The following GLI2 variants were observed in gnomAD, a reference collection of about 807,000 sequenced individuals.
GLI2 encodes the protein transcription activator GLI2.
GLI2 carries 22 observed loss-of-function variants against 78.9 expected under a neutral mutation model. The observed-to-expected ratio is 0.28, with a 90% confidence interval of 0.20 to 0.40. The LOEUF (loss-of-function observed/expected upper bound fraction) is 0.40. GLI2 is among the 10% of genes least tolerant of loss of function. The pLI is 1.00. For missense variants in GLI2, 2,097 were observed against 2,213.2 expected, an observed-to-expected ratio of 0.95 and a Z score of 1.05; for synonymous variants, 974 against 963.7, an observed-to-expected ratio of 1.01 and a Z score of -0.20.
intron 3 of GLI2, among the ~76,000 whole-genome samples, chr2:120,936,038 G>A (rs1680180920): frequency 6.6e-6 from 1 of 152,150 alleles, no homozygotes; most frequent in Non-Finnish European, 1.5e-5. Context: ...GCAGGATCGG[G>A]ATGAACTATT....
intron 10 of GLI2, among the ~76,000 whole-genome samples, chr2:120,979,245 T>C (rs1682604604): frequency 6.6e-6 from 1 of 152,174 alleles, no homozygotes; most frequent in Admixed American, 6.5e-5. Context: ...CTGGGATTCG[T>C]CTTGAGCCAC....
rs954954063 is a variant in GLI2 at position 120,800,346 on chromosome 2, C to A, written c.148+2878C>A. Among the ~76,000 whole-genome samples the A allele has an allele frequency of 1.3e-5, 2 of 152,184 alleles. No individual in the cohort carries two copies. The highest frequency in any genetic ancestry group is 2.1e-4 in the South Asian group (1 of 4,820). On this transcript the variant is annotated intron_variant, in intron 2 of 13. Transcript: ENST00000361492. The surrounding 1 kb of genome is among the most constrained non-coding windows in gnomAD (Gnocchi z 4.1). ...GGGGCAGGAGCAGACTGAGTCGACT[C>A]CCCTGTTGCTGCGCAGGTGACCACT... is the stretch of plus-strand genomic sequence containing the variant.
chr2:120,751,116 A>G (rs1437798101), intron 1 of GLI2, among the ~76,000 whole-genome samples: 3 of 152,238 alleles, frequency 2.0e-5, no homozygotes, highest in African/African-American at 7.2e-5. Flanking sequence ...AGCCCCCTGT[A>G]GCTACTCAAT....
chr2:120,860,301 C>T (rs1687846704), intron 2 of GLI2, among the ~76,000 whole-genome samples: 1 of 152,170 alleles, frequency 6.6e-6, no homozygotes, highest in Non-Finnish European at 1.5e-5. Context: ...TTCCAGTACC[C>T]CCAAGGAGCT....
Position 120,855,233 on chromosome 2 carries a change from G to A in GLI2, c.148+57765G>A, listed in dbSNP as rs1687591281. 5.3e-5 allele frequency among the ~76,000 whole-genome samples: 8 copies of A among 152,222 alleles called. No individual in the cohort carries two copies. In the South Asian group the frequency reaches 1.7e-3, roughly 32 times the overall value. On this transcript the variant is annotated intron_variant, in intron 2 of 13. Transcript: ENST00000361492. ...GCTCCTATGAGAAAATGGTCCCTGG[G>A]AGGTCCCAGAGGGCTTTCCGGCTGC...
In GLI2 at chr2:120,955,429, C is replaced by T. The variant is rs974942932; in HGVS notation, c.642C>T (p.Asp214=). 13 of 1,592,702 alleles carry T rather than the reference C, an allele frequency of 8.2e-6. No individual in the cohort carries two copies. Among genetic ancestry groups the T allele is most frequent in the East Asian group, 6.8e-5 (3 of 44,408 alleles). Residue 214 remains aspartate (D), a splice_region_variant and synonymous_variant, in exon 5 of 14, where the codon GAC becomes GAT. Coordinates refer to ENST00000361492, the MANE Select transcript of GLI2 (RefSeq NM_001374353.1). Reference sequence around the variant, plus strand: ...TCCACGACTACCTCAACCCCGTGGACGGTGAGTGCTGGCCCCCAGGGGCTG... The same window carrying T: ...TCCACGACTACCTCAACCCCGTGGATGGTGAGTGCTGGCCCCCAGGGGCTG... ...PHLHDYLNPV[D]VSRFSSPRVT...
intron 3 of GLI2, among the ~76,000 whole-genome samples, chr2:120,935,195 G>A (rs765933024): frequency 4.6e-5 from 7 of 152,230 alleles, no homozygotes; most frequent in Admixed American, 1.3e-4. Context: ...GGGATGAGAT[G>A]CTGGGTGGGC....
intron 1 of GLI2, among the ~76,000 whole-genome samples, chr2:120,793,714 G>T (rs1355005660): frequency 6.6e-6 from 1 of 152,222 alleles, no homozygotes; most frequent in African/African-American, 2.4e-5. Flanking sequence ...AACCTCAGGT[G>T]CATCTGTGTG....
intron 2 of GLI2, among the ~76,000 whole-genome samples, chr2:120,839,203 G>T (rs1385805034): frequency 6.7e-6 from 1 of 149,786 alleles, no homozygotes; most frequent in African/African-American, 2.5e-5. Flanking sequence ...TAATATATTT[G>T]TATATGTTCA....
chr2:120,972,159 T>C (rs1682215872), intron 8 of GLI2, 96 bp downstream of exon 8: 1 of 1,392,246 alleles, frequency 7.2e-7, no homozygotes, highest in Non-Finnish European at 1.0e-6. Flanking sequence ...GATGGCTGGC[T>C]GGCTGCCTGC....
chr2:120,809,531 T>A (rs1342029294), intron 2 of GLI2, among the ~76,000 whole-genome samples: 1 of 151,730 alleles, frequency 6.6e-6, no homozygotes, highest in Non-Finnish European at 1.5e-5. Context: ...ATTACATCTC[T>A]GTTTAAAAAA....
At chr2:120,785,304 A>T (rs1456762039) in intron 1 of GLI2, among the ~76,000 whole-genome samples, 2 of 152,174 alleles carry the variant, frequency 1.3e-5, no homozygotes, top group Non-Finnish European at 2.9e-5. Flanking sequence ...CCTCATCATG[A>T]AGATCCCAGC....
chr2:120,906,354 C>T (rs955368841), intron 2 of GLI2, among the ~76,000 whole-genome samples: 2 of 152,174 alleles, frequency 1.3e-5, no homozygotes, highest in African/African-American at 4.8e-5. Flanking sequence ...ATGGGGTTCA[C>T]CCTCTCCTGC....
intron 2 of GLI2, among the ~76,000 whole-genome samples, chr2:120,853,574 C>T (rs937443712): frequency 1.3e-5 from 2 of 152,198 alleles, no homozygotes; most frequent in East Asian, 3.9e-4. Context: ...TTTTCTAAGT[C>T]ACTAGTCCCT....
rs1263098986 is a variant in GLI2, at chr2:120,886,206, GTGTGCGTGTA to G, written c.149-41153_149-41144del. Among the ~76,000 whole-genome samples, 327 of 26,332 alleles carry G rather than the reference GTGTGCGTGTA, an allele frequency of 0.012. 9 individuals are homozygous for G. The African/African-American group carries it at 0.14, about 12-fold the overall frequency. 17.3% of individuals were successfully genotyped at this position (26,332 alleles called of 152,430 possible). A position where few individuals can be genotyped will look rare whatever the true frequency, so the allele number is the denominator to read the frequency against. On this transcript the variant is annotated intron_variant, in intron 2 of 13. Transcript: ENST00000361492. ...TGTGTGTGTGTGTGTGTGTGTGTGT[GTGTGCGTGTA>G]TATTTTGGTTTTGGGTTTTTGTTTT...
chr2:120,768,450 C>T (rs867973423), intron 1 of GLI2, among the ~76,000 whole-genome samples: 2 of 152,226 alleles, frequency 1.3e-5, no homozygotes, highest in South Asian at 2.1e-4. Flanking sequence ...GGCCTGCAGG[C>T]TGAGAGCAGG....
intron 2 of GLI2, among the ~76,000 whole-genome samples, chr2:120,895,678 G>A (rs556202181): frequency 1.3e-5 from 2 of 152,260 alleles, no homozygotes; most frequent in African/African-American, 2.4e-5. Context: ...ACTCCAGCCT[G>A]GGTGACAGAG....
intron 3 of GLI2, among the ~76,000 whole-genome samples, chr2:120,945,990 C>CACACACACACACACACACAG (rs1401104253): frequency 6.6e-6 from 1 of 151,810 alleles, no homozygotes; most frequent in East Asian, 1.9e-4. Flanking sequence ...CACACACACA[C>CACACACACACACACACACAG]AGCTTTGTGC....
chr2:120,831,143 G>A (rs1410114195), intron 2 of GLI2, among the ~76,000 whole-genome samples: 1 of 151,330 alleles, frequency 6.6e-6, no homozygotes, highest in Non-Finnish European at 1.5e-5. Context: ...CTCCATGTTT[G>A]TCCTTCTGTT....
Sources: allele counts gnomAD v4.1 joint callset (sites outside exome capture counted in the v4.1 genomes callset), GRCh38; gene constraint gnomAD v4.1.1; non-coding constraint Gnocchi (gnomAD v3.1); transcripts MANE v1.5; gene names NCBI Gene and HGNC (gene_info 2026-07-23, HGNC 2026-07-21).